Variants in CAPZB observed in about 807,000 individuals in gnomAD.
CAPZB encodes the protein F-actin-capping protein subunit beta.
A neutral mutation model predicts 38.1 loss-of-function variants in CAPZB; 2 were observed. The ratio of observed to expected loss-of-function variants is 0.05; its 90% CI spans 0.02 to 0.17. The LOEUF (loss-of-function observed/expected upper bound fraction) is 0.17, where lower values mean the gene tolerates loss of function less well. CAPZB is among the 10% of genes least tolerant of loss of function. CAPZB has a pLI of 1.00. For missense variants in CAPZB, 161 were observed against 334.2 expected (o/e 0.48, Z 4.04); for synonymous variants, 107 against 127.4 (o/e 0.84, Z 1.08).
intron 1 of CAPZB, among the ~76,000 whole-genome samples, chr1:19,451,161 C>T (rs551721240): frequency 2.1e-3 from 327 of 152,306 alleles, no homozygotes; most frequent in African/African-American, 6.3e-3. Flanking sequence ...GTTGCTATTT[C>T]GCATTAAGAC....
At chr1:19,482,858 G>A (rs113241213) in intron 1 of CAPZB, among the ~76,000 whole-genome samples, 4 of 152,146 alleles carry the variant, frequency 2.6e-5, no homozygotes, top group South Asian at 2.1e-4. Flanking sequence ...CATCTACACC[G>A]GCTTAATGGT....
intron 1 of CAPZB, among the ~76,000 whole-genome samples, chr1:19,447,378 T>C (rs1207081530): frequency 2.9e-5 from 3 of 103,350 alleles, no homozygotes; most frequent in Non-Finnish European, 5.7e-5. Context: ...CTCCACCACA[T>C]CCAGCTAATT....
intron 2 of CAPZB, among the ~76,000 whole-genome samples, chr1:19,398,519 T>TA (rs11407624): frequency 0.06 from 9,088 of 152,222 alleles, 888 homozygotes; most frequent in African/African-American, 0.21. Context: ...TTTACGTGTC[T>TA]GAGTGGGGGA....
chr1:19,477,573 C>T (rs985986400), intron 1 of CAPZB, among the ~76,000 whole-genome samples: 4 of 152,198 alleles, frequency 2.6e-5, no homozygotes, highest in Non-Finnish European at 5.9e-5. Flanking sequence ...GTGAAACCAA[C>T]GACAGCCCAT....
At chr1:19,342,971 C>T (rs568999949) in intron 8 of CAPZB, 27 of 740,768 alleles carry the variant, frequency 3.6e-5, no homozygotes, top group African/African-American at 2.1e-4. Flanking sequence ...ACCCACGAGG[C>T]GGAAGGGGGG....
At chr1:19,445,598 G>A (rs1477458743) in intron 1 of CAPZB, among the ~76,000 whole-genome samples, 1 of 151,732 alleles carries the variant, frequency 6.6e-6, no homozygotes, top group African/African-American at 2.4e-5. Flanking sequence ...TTTCCAACAG[G>A]GATTACTTTT....
At chr1:19,370,221 T>C (rs993629515) in intron 4 of CAPZB, among the ~76,000 whole-genome samples, 38 of 152,242 alleles carry the variant, frequency 2.5e-4, no homozygotes, top group Admixed American at 2.2e-3. Flanking sequence ...CGGTTCCCAC[T>C]GCTCAGGGCA....
chr1:19,425,397 A>G (rs1232744955), intron 1 of CAPZB, among the ~76,000 whole-genome samples: 2 of 152,196 alleles, frequency 1.3e-5, no homozygotes, highest in African/African-American at 4.8e-5. Context: ...TGGTGAACAT[A>G]AAAGTCTCTG....
At chr1:19,436,383 C>T (rs1468037244) in intron 1 of CAPZB, among the ~76,000 whole-genome samples, 1 of 152,160 alleles carries the variant, frequency 6.6e-6, no homozygotes, top group South Asian at 2.1e-4. Context: ...CCTTATTTTG[C>T]TTCATAATGG....
intron 4 of CAPZB, among the ~76,000 whole-genome samples, chr1:19,372,028 T>C (rs1192345628): frequency 2.6e-5 from 4 of 152,222 alleles, no homozygotes. Flanking sequence ...GGAGAGGCCC[T>C]TGGGCCCTGG....
chr1:19,458,505 C>A (rs1346480731), intron 1 of CAPZB, among the ~76,000 whole-genome samples: 1 of 152,170 alleles, frequency 6.6e-6, no homozygotes, highest in South Asian at 2.1e-4. Context: ...CAGGTGCCTG[C>A]CACCAAGCCT....
intron 1 of CAPZB, among the ~76,000 whole-genome samples, chr1:19,437,487 T>C (rs932106229): frequency 6.6e-6 from 1 of 152,198 alleles, no homozygotes; most frequent in Non-Finnish European, 1.5e-5. Context: ...CAGATAAATG[T>C]CATCAATTGC....
In CAPZB at chr1:19,339,254, G is replaced by A; in HGVS notation, c.*276C>T. ...TTTATGCCTATAAATGGGGGGACAG[G>A]GAGGAAGACGGGGGGCCCGGGTGAA... On this transcript the variant is annotated 3_prime_UTR_variant, in exon 9 of 9. Transcript: ENST00000264202. 2.2e-6 allele frequency: 1 copy of A among 462,210 alleles called. No homozygotes were observed. The highest frequency in any genetic ancestry group is 3.9e-6 in the Non-Finnish European group (1 of 257,426). The allele number at this position is 462,210 out of a possible 1,614,324, so 28.6% of individuals were successfully genotyped here.
chr1:19,469,574 T>C, intron 1 of CAPZB, among the ~76,000 whole-genome samples: 1 of 150,998 alleles, frequency 6.6e-6, no homozygotes. Context: ...GGAGGATGAG[T>C]CAGCTCAGAG....
Position 19,449,584 on chromosome 1 carries a change from T to A in CAPZB, c.4-29834A>T, listed in dbSNP as rs554226568. ...GGGCAGATCACTTGAGATCAGGAGTTCGAGACCAGCCTGGCTGACACGGCA... is the reference window on the plus strand; with the variant it reads ...GGGCAGATCACTTGAGATCAGGAGTACGAGACCAGCCTGGCTGACACGGCA... On this transcript the variant is annotated intron_variant, in intron 1 of 8. Transcript: ENST00000264202. 3.9e-5 allele frequency among the ~76,000 whole-genome samples: 6 copies of A among 152,102 alleles called. No individual in the cohort carries two copies. The South Asian group carries it at 1.2e-3, about 32-fold the overall frequency.
chr1:19,366,296 A>ATATATATATG (rs1553270800), intron 4 of CAPZB, among the ~76,000 whole-genome samples: 1 of 114,254 alleles, frequency 8.8e-6, no homozygotes, highest in African/African-American at 3.8e-5. Context: ...ATATATATAT[A>ATATATATATG]TATATATATA....
At chr1:19,426,353 A>G (rs1270076904) in intron 1 of CAPZB, among the ~76,000 whole-genome samples, 20 of 151,800 alleles carry the variant, frequency 1.3e-4, no homozygotes, top group Admixed American at 1.3e-3. Context: ...GAAGCAGATT[A>G]TATTTTCCAA....
rs1194476120 is a variant in CAPZB at position 19,424,804 on chromosome 1, C to G, written c.4-5054G>C. The G allele has an allele frequency of 2.0e-5, 3 of 152,494 alleles. No individual in the cohort carries two copies. In the East Asian group the frequency reaches 5.8e-4, roughly 29 times the overall value. 9.4% of individuals were successfully genotyped at this position (152,494 alleles called of 1,614,324 possible). Reference sequence around the variant, plus strand: ...AGCAGACATGCCTAACCGCCACACCCTTCAAAACAAGACCATCATCCTGGA... The same window carrying G: ...AGCAGACATGCCTAACCGCCACACCGTTCAAAACAAGACCATCATCCTGGA... On this transcript the variant is annotated intron_variant, in intron 1 of 8. Transcript: ENST00000264202.
At chr1:19,413,678 A>C (rs2094367008) in intron 2 of CAPZB, among the ~76,000 whole-genome samples, 1 of 152,196 alleles carries the variant, frequency 6.6e-6, no homozygotes, top group South Asian at 2.1e-4. Context: ...AAAGGACGAA[A>C]AATGCTGGTC....
Sources: allele counts gnomAD v4.1 joint callset (sites outside exome capture counted in the v4.1 genomes callset), GRCh38; gene constraint gnomAD v4.1.1; transcripts MANE v1.5; gene names NCBI Gene and HGNC (gene_info 2026-07-23, HGNC 2026-07-21).